Variants in DOK6 observed in about 807,000 individuals in gnomAD.
DOK6 encodes downstream of tyrosine kinase 6.
DOK6 carries 22 observed loss-of-function variants against 44.0 expected under a neutral mutation model. That is an observed-to-expected ratio of 0.50 (90% CI 0.36 to 0.71). The LOEUF (loss-of-function observed/expected upper bound fraction) is 0.71. Among genes scored for constraint, DOK6 ranks in the 30% least tolerant of loss-of-function variants. DOK6 has a pLI of 0.00. For missense variants in DOK6, 340 were observed against 416.4 expected, an observed-to-expected ratio of 0.82 and a Z score of 1.60; for synonymous variants, 166 against 145.5, an observed-to-expected ratio of 1.14 and a Z score of -1.01.
At chr18:69,704,574 G>A (rs972977807) in intron 5 of DOK6, among the ~76,000 whole-genome samples, 1 of 149,884 alleles carries the variant, frequency 6.7e-6, no homozygotes, top group African/African-American at 2.5e-5. Flanking sequence ...CGCCTCCTGG[G>A]TTCACTCCAT....
chr18:69,520,989 G>T (rs1233291234), intron 1 of DOK6, among the ~76,000 whole-genome samples: 1 of 151,926 alleles, frequency 6.6e-6, no homozygotes, highest in Non-Finnish European at 1.5e-5. Flanking sequence ...AATGTGGAAA[G>T]TGTGATGGTA....
intron 3 of DOK6, among the ~76,000 whole-genome samples, chr18:69,635,784 G>C (rs982365507): frequency 2.0e-5 from 3 of 152,202 alleles, no homozygotes; most frequent in African/African-American, 7.2e-5. Flanking sequence ...GTTACACTCA[G>C]CATCTCCAAC....
At chr18:69,411,141 A>C (rs1978304297) in intron 1 of DOK6, among the ~76,000 whole-genome samples, 1 of 152,168 alleles carries the variant, frequency 6.6e-6, no homozygotes, top group Admixed American at 6.6e-5. Context: ...CATCAAGCTG[A>C]CAAGTCGTGA....
chr18:69,701,490 CTTTA>C (rs1220874219), intron 5 of DOK6, among the ~76,000 whole-genome samples: 7 of 152,176 alleles, frequency 4.6e-5, no homozygotes, highest in Non-Finnish European at 8.8e-5. Flanking sequence ...GACAAAACTC[CTTTA>C]TTTAACTGCT....
At chr18:69,595,459 C>T (rs531354364) in intron 2 of DOK6, among the ~76,000 whole-genome samples, 16 of 152,262 alleles carry the variant, frequency 1.1e-4, no homozygotes, top group African/African-American at 3.8e-4. Flanking sequence ...CCACTGAGGG[C>T]TTCATCTTGA....
At chr18:69,516,682 CT>C (rs34710946) in intron 1 of DOK6, among the ~76,000 whole-genome samples, 6 of 149,660 alleles carry the variant, frequency 4.0e-5, no homozygotes, top group South Asian at 2.1e-4. Flanking sequence ...AAGTACTATA[CT>C]TTTTTTTTTC....
At chr18:69,750,677 C>T (rs570290905) in intron 6 of DOK6, among the ~76,000 whole-genome samples, 1 of 152,144 alleles carries the variant, frequency 6.6e-6, no homozygotes, top group Admixed American at 6.5e-5. Flanking sequence ...ATGAAGGTTC[C>T]TCAAACATTT....
chr18:69,836,290 G>A (rs1288832046), intron 7 of DOK6, among the ~76,000 whole-genome samples: 1 of 152,130 alleles, frequency 6.6e-6, no homozygotes, highest in African/African-American at 2.4e-5. Flanking sequence ...TGAGTTCCTG[G>A]AATTAGAGAG....
chr18:69,839,247 C>A (rs2145138829), intron 7 of DOK6, among the ~76,000 whole-genome samples: 1 of 151,014 alleles, frequency 6.6e-6, no homozygotes, highest in Middle Eastern at 3.4e-3. Flanking sequence ...CCTAGTCCCT[C>A]CCCTAGTCTC....
At chr18:69,717,129 G>C (rs149499515) in intron 5 of DOK6, among the ~76,000 whole-genome samples, 2 of 152,260 alleles carry the variant, frequency 1.3e-5, no homozygotes, top group African/African-American at 4.8e-5. Context: ...CTGGTCTAAA[G>C]AATAATTCTG....
chr18:69,751,505 G>T (rs2144749005), intron 6 of DOK6, among the ~76,000 whole-genome samples: 1 of 152,196 alleles, frequency 6.6e-6, no homozygotes, highest in African/African-American at 2.4e-5. Flanking sequence ...TATATATAGA[G>T]CAGGAAATGC....
chr18:69,433,377 A>G (rs559312888), intron 1 of DOK6, among the ~76,000 whole-genome samples: 43 of 152,352 alleles, frequency 2.8e-4, no homozygotes, highest in African/African-American at 1.0e-3. Context: ...TTTTGACTAC[A>G]TATTGCAATA....
chr18:69,793,446 C>T (rs1980656778), intron 7 of DOK6, among the ~76,000 whole-genome samples: 1 of 152,118 alleles, frequency 6.6e-6, no homozygotes, highest in South Asian at 2.1e-4. Context: ...TTGATTACCG[C>T]ACCAGAGTTT....
At chr18:69,511,725 G>A (rs982426679) in intron 1 of DOK6, among the ~76,000 whole-genome samples, 3 of 152,168 alleles carry the variant, frequency 2.0e-5, no homozygotes, top group Non-Finnish European at 4.4e-5. Context: ...TTAGCAATGT[G>A]TCCTGCAAAA....
At chr18:69,694,046 G>A (rs916322230) in intron 4 of DOK6, among the ~76,000 whole-genome samples, 21 of 105,598 alleles carry the variant, frequency 2.0e-4, no homozygotes, top group Non-Finnish European at 3.2e-4. Flanking sequence ...GCGACAGAGC[G>A]AGACTCCGTG....
At chr18:69,568,283 A>C (rs977897525) in intron 2 of DOK6, among the ~76,000 whole-genome samples, 1 of 152,214 alleles carries the variant, frequency 6.6e-6, no homozygotes, top group African/African-American at 2.4e-5. Context: ...TTATGGCTAC[A>C]TAGCTGTGTT....
At chr18:69,795,141 C>T (rs1029193805) in intron 7 of DOK6, among the ~76,000 whole-genome samples, 3 of 152,072 alleles carry the variant, frequency 2.0e-5, no homozygotes, top group East Asian at 1.9e-4. Flanking sequence ...AGGTTGTGGG[C>T]GTCTGATATA....
intron 1 of DOK6, among the ~76,000 whole-genome samples, chr18:69,444,412 C>G (rs1979220468): frequency 6.6e-6 from 1 of 152,100 alleles, no homozygotes; most frequent in Non-Finnish European, 1.5e-5. Flanking sequence ...GGACTTGATT[C>G]AATTTGTGGT....
At chr18:69,478,236 A>G (rs1202098314) in intron 1 of DOK6, among the ~76,000 whole-genome samples, 1 of 152,180 alleles carries the variant, frequency 6.6e-6, no homozygotes, top group African/African-American at 2.4e-5. Context: ...TGCATAGTTT[A>G]AAAATCAGAT....
Sources: gnomAD v4.1 joint callset for allele counts (sites outside exome capture counted in the v4.1 genomes callset) on GRCh38, gnomAD v4.1.1 for gene constraint, MANE v1.5 for transcripts, NCBI Gene and HGNC (gene_info 2026-07-23, HGNC 2026-07-21) for gene names.